The following CEP164 variants were observed in gnomAD, a reference collection of about 807,000 sequenced individuals.
The protein encoded by CEP164 is centrosomal protein of 164 kDa.
CEP164 carries 162 observed loss-of-function variants against 182.7 expected under a neutral mutation model. The ratio of observed to expected loss-of-function variants is 0.89; its 90% CI spans 0.78 to 1.01. The LOEUF (loss-of-function observed/expected upper bound fraction) is 1.01, where lower values mean the gene tolerates loss of function less well. Among genes scored for constraint, CEP164 ranks in the 50% least tolerant of loss-of-function variants. CEP164 has a pLI of 0.00. For synonymous variants in CEP164, 661 were observed against 690.0 expected (o/e 0.96, Z 0.66); for missense variants, 1,735 against 1,790.4 (o/e 0.97, Z 0.56).
intron 27 of CEP164, among the ~76,000 whole-genome samples, chr11:117,404,467 A>G (rs372268703): frequency 1.3e-5 from 2 of 152,274 alleles, no homozygotes; most frequent in Admixed American, 6.5e-5. Context: ...ATTTGCTTGG[A>G]TATCACCAGC....
rs372849006 is a variant in CEP164, at chr11:117,394,899, T to C, written c.2761-21T>C. ...ATGCCTTACACTCTTTCTATGCTTA[T>C]GTGTTTCCCTTTCTGGGCAGGAAAG... On this transcript the variant is annotated intron_variant, in intron 21 of 32. Transcript: ENST00000278935. The surrounding 1 kb of genome is among the most constrained non-coding windows in gnomAD (Gnocchi z 4.0). 97 of 1,611,816 alleles carry C rather than the reference T, an allele frequency of 6.0e-5. No homozygotes were observed. The highest frequency in any genetic ancestry group is 5.0e-4 in the Middle Eastern group (3 of 6,032).
At chr11:117,334,892 T>C (rs538596754) in intron 1 of CEP164, among the ~76,000 whole-genome samples, 1 of 152,214 alleles carries the variant, frequency 6.6e-6, no homozygotes, top group African/African-American at 2.4e-5. Flanking sequence ...GGAGATGGGA[T>C]GCATCTAGGG....
At chr11:117,402,584 T>C (rs183387658) in intron 27 of CEP164, among the ~76,000 whole-genome samples, 1 of 152,244 alleles carries the variant, frequency 6.6e-6, no homozygotes, top group East Asian at 1.9e-4. Flanking sequence ...CTGTTTGTTA[T>C]GATTTCCGTT....
chr11:117,322,000 T>C (rs756110947), intron 1 of CEP164, among the ~76,000 whole-genome samples: 4 of 152,224 alleles, frequency 2.6e-5, no homozygotes, highest in Non-Finnish European at 5.9e-5. Flanking sequence ...TCTCGGCTGT[T>C]ACTGTTTTTT....
At chr11:117,326,874 T>C (rs1261237589), upstream of CEP164, among the ~76,000 whole-genome samples, 3 of 152,184 alleles carry the variant, frequency 2.0e-5, no homozygotes, top group African/African-American at 7.2e-5. Context: ...TCAGTTTTCC[T>C]ATTGATGTAA....
At position 117,381,706 on chromosome 11, in the gene CEP164, C is replaced by T; in HGVS notation, c.1415C>T (p.Ser472Phe). 1 of 1,608,888 alleles carries T rather than the reference C, an allele frequency of 6.2e-7. No homozygotes were observed. Among genetic ancestry groups the T allele is most frequent in the Non-Finnish European group, 8.5e-7 (1 of 1,177,932 alleles). ...GCTCTGCCCGGCCTGACCAGGTTAT[C>T]TCCTCCACTTCCACACGAGGAGCGG... The part of the protein sequence containing the change: ...KQSKGLEERL[S>F]PPLPHEERAQ... The change falls in exon 13 of 33, where the codon TCT becomes TTT. Residue 472 changes from serine to phenylalanine, a missense_variant. Physicochemically the swap from Ser to Phe is radical, Grantham distance 155 (BLOSUM62 -2). Transcript: ENST00000278935.
chr11:117,325,905 CTTT>C (rs887528293), upstream of CEP164, among the ~76,000 whole-genome samples: 20 of 130,050 alleles, frequency 1.5e-4, no homozygotes, highest in Admixed American at 7.9e-4. Flanking sequence ...CAAGTAGGAC[CTTT>C]TTTTTTTTTT....
intron 14 of CEP164, chr11:117,386,311 C>A (rs2043950479): frequency 6.6e-6 from 1 of 152,156 alleles, no homozygotes; most frequent in Non-Finnish European, 1.5e-5. Context: ...CATGCTTTAT[C>A]CTGCTCATGC....
At chr11:117,393,258 G>A (rs2044953487) in intron 20 of CEP164, 132 bp downstream of exon 20, 12 of 1,401,720 alleles carry the variant, frequency 8.6e-6, no homozygotes, top group South Asian at 1.4e-5. Context: ...CTGGCTGTGG[G>A]GCAGAGGAAG....
At chr11:117,326,993 T>C (rs781583676), upstream of CEP164, among the ~76,000 whole-genome samples, 4 of 152,236 alleles carry the variant, frequency 2.6e-5, no homozygotes, top group Non-Finnish European at 1.5e-5. Flanking sequence ...TTCGGAATTA[T>C]ATTAGTAGCA....
chr11:117,354,606 C>A (rs536086237), intron 5 of CEP164, among the ~76,000 whole-genome samples: 1 of 152,232 alleles, frequency 6.6e-6, no homozygotes, highest in East Asian at 1.9e-4. Flanking sequence ...AACCATTGAT[C>A]TAGTCGAACC....
chr11:117,354,935 A>G (rs953150510), intron 5 of CEP164: 29 of 1,280,152 alleles, frequency 2.3e-5, no homozygotes, highest in Non-Finnish European at 2.6e-5. Context: ...CATCTAGGAA[A>G]CGCAGCCTGA....
intron 4 of CEP164, among the ~76,000 whole-genome samples, chr11:117,346,855 C>G (rs1391357148): frequency 6.6e-6 from 1 of 152,018 alleles, no homozygotes; most frequent in East Asian, 1.9e-4. Context: ...CAGAGAGAAC[C>G]TGTCTCAAAA....
chr11:117,380,832 C>G (rs996432721), intron 12 of CEP164, 127 bp downstream of exon 12: 2 of 792,188 alleles, frequency 2.5e-6, no homozygotes, highest in African/African-American at 3.4e-5. Flanking sequence ...GATGAACTGG[C>G]TGGATGGCCT....
intron 14 of CEP164, among the ~76,000 whole-genome samples, chr11:117,383,646 C>A (rs556161407): frequency 6.6e-6 from 1 of 152,338 alleles, no homozygotes; most frequent in South Asian, 2.1e-4. Flanking sequence ...CATTCTTACC[C>A]TTCCCCTTCC....
intron 3 of CEP164, among the ~76,000 whole-genome samples, chr11:117,343,105 A>G (rs1466809133): frequency 6.6e-6 from 1 of 152,136 alleles, no homozygotes; most frequent in Non-Finnish European, 1.5e-5. Flanking sequence ...TCCTGGACTC[A>G]GGCAATCCTC....
intron 1 of CEP164, among the ~76,000 whole-genome samples, chr11:117,333,891 C>T (rs1477668000): frequency 1.3e-5 from 2 of 152,174 alleles, no homozygotes; most frequent in Admixed American, 1.3e-4. Context: ...ACTGGCCTCC[C>T]CAGCATCCTA....
chr11:117,380,848 G>A, intron 12 of CEP164, 143 bp downstream of exon 12: 1 of 692,488 alleles, frequency 1.4e-6, no homozygotes, highest in Non-Finnish European at 2.5e-6. Context: ...GGCCTTGCAG[G>A]GTCTGTGTGT....
At chr11:117,330,519 G>T (rs1203449567) in intron 1 of CEP164, among the ~76,000 whole-genome samples, 1 of 152,158 alleles carries the variant, frequency 6.6e-6, no homozygotes, top group African/African-American at 2.4e-5. Context: ...CGTGGTGGCA[G>T]GCGCCTGTAA....
Sources: gnomAD v4.1 joint callset for allele counts (sites outside exome capture counted in the v4.1 genomes callset) on GRCh38, gnomAD v4.1.1 for gene constraint, Gnocchi (gnomAD v3.1) non-coding constraint, MANE v1.5 for transcripts, NCBI Gene and HGNC (gene_info 2026-07-23, HGNC 2026-07-21) for gene names.